The following LRRTM4 variants were observed in gnomAD, a reference collection of about 807,000 sequenced individuals.
LRRTM4 encodes the protein leucine-rich repeat transmembrane neuronal protein 4.
Under a neutral mutation model 47.6 loss-of-function variants are expected in LRRTM4, and 25 were observed. That is an observed-to-expected ratio of 0.53 (90% CI 0.38 to 0.73). The LOEUF is 0.73. Among genes scored for constraint, LRRTM4 ranks in the 30% least tolerant of loss-of-function variants. The pLI, the probability that LRRTM4 is intolerant of heterozygous loss-of-function variation, is 0.00. For synonymous variants in LRRTM4, 311 were observed against 269.5 expected, an observed-to-expected ratio of 1.15 and a Z score of -1.51; for missense variants, 638 against 713.4, an observed-to-expected ratio of 0.89 and a Z score of 1.20.
rs560573480 is a variant in LRRTM4 at position 76,807,079 on chromosome 2, C to T, written c.1552-58163G>A. Among the ~76,000 whole-genome samples the T allele has an allele frequency of 1.5e-3, 234 of 152,112 alleles. 1 individual carries two copies. In the Middle Eastern group the frequency reaches 0.017, roughly 11 times the overall value. On this transcript the variant is annotated intron_variant, in intron 3 of 3. Transcript: ENST00000409884. ...GATCAAATAAAATAGGCTGCTTCTA[C>T]ATTCATGGGTGTGTGTTAACTGCTA... is the stretch of plus-strand genomic sequence containing the variant.
chr2:77,159,541 A>G (rs985741132), intron 3 of LRRTM4, among the ~76,000 whole-genome samples: 8 of 151,828 alleles, frequency 5.3e-5, no homozygotes, highest in Admixed American at 6.6e-5. Flanking sequence ...AAAAAAGAAA[A>G]AAAAAGGAAA....
At position 77,430,435 on chromosome 2, in the gene LRRTM4, G is replaced by A. The variant is rs1047049471; in HGVS notation, c.1551+87883C>T. ...ATTAATTTTAGAATTATCTTGACTG[G>A]ATTGGGCCCTGTGCAGCGGCTCATG... is the stretch of plus-strand genomic sequence containing the variant. On this transcript the variant is annotated intron_variant, in intron 3 of 3. Coordinates refer to ENST00000409884, the MANE Select transcript of LRRTM4 (RefSeq NM_001134745.3). 2.6e-5 allele frequency among the ~76,000 whole-genome samples: 4 copies of A among 151,934 alleles called. 1 individual carries two copies. Among genetic ancestry groups the A allele is most frequent in the Admixed American group, 1.3e-4 (2 of 15,248 alleles).
intron 3 of LRRTM4, among the ~76,000 whole-genome samples, chr2:77,249,096 T>A (rs551654940): frequency 6.6e-6 from 1 of 152,192 alleles, no homozygotes; most frequent in Non-Finnish European, 1.5e-5. Context: ...ATGACTTTAA[T>A]CCTAGCACTT....
chr2:77,400,175 T>C (rs1456058979), intron 3 of LRRTM4, among the ~76,000 whole-genome samples: 1 of 151,900 alleles, frequency 6.6e-6, no homozygotes, highest in Admixed American at 6.6e-5. Flanking sequence ...ATTTTCTTCT[T>C]GAAATGCTTT....
chr2:76,820,360 A>C (rs1336090847), intron 3 of LRRTM4, among the ~76,000 whole-genome samples: 1 of 151,778 alleles, frequency 6.6e-6, no homozygotes, highest in Non-Finnish European at 1.5e-5. Context: ...TTAGAAGAAT[A>C]AGACTCAAGG....
At chr2:76,893,689 T>C (rs1360146766) in intron 3 of LRRTM4, among the ~76,000 whole-genome samples, 1 of 151,846 alleles carries the variant, frequency 6.6e-6, no homozygotes, top group Non-Finnish European at 1.5e-5. Context: ...GAATATTGCC[T>C]GGCAAGTTTG....
At position 77,132,537 on chromosome 2, in the gene LRRTM4, C is replaced by A. The variant is rs139355313; in HGVS notation, c.1552-383621G>T. Among the ~76,000 whole-genome samples the A allele has an allele frequency of 6.0e-3, 919 of 152,178 alleles. 11 individuals carry two copies. Among genetic ancestry groups the A allele is most frequent in the Middle Eastern group, 0.048 (14 of 294 alleles). On this transcript the variant is annotated intron_variant, in intron 3 of 3. Coordinates refer to ENST00000409884, the MANE Select transcript of LRRTM4 (RefSeq NM_001134745.3). ...ATCTAGAGGCTGGGAAAGCCAAGAT[C>A]AAAAAGCTAGCAGGTTCAGTGTTTG...
intron 3 of LRRTM4, among the ~76,000 whole-genome samples, chr2:77,147,114 A>G (rs377512896): frequency 2.0e-5 from 3 of 152,182 alleles, no homozygotes; most frequent in Non-Finnish European, 4.4e-5. Context: ...TTCTACTTGT[A>G]TATTTCTTTT....
At chr2:76,947,550 C>T (rs1020328551) in intron 3 of LRRTM4, among the ~76,000 whole-genome samples, 4 of 151,548 alleles carry the variant, frequency 2.6e-5, no homozygotes, top group Non-Finnish European at 5.9e-5. Flanking sequence ...TGTTAAACTC[C>T]ATCTTATCTA....
At chr2:76,860,268 T>C (rs1357115229) in intron 3 of LRRTM4, among the ~76,000 whole-genome samples, 2 of 152,304 alleles carry the variant, frequency 1.3e-5, no homozygotes, top group African/African-American at 4.8e-5. Context: ...GGCTAGCTCT[T>C]GGAAGATATT....
chr2:77,412,323 T>C (rs992589525), intron 3 of LRRTM4, among the ~76,000 whole-genome samples: 2 of 152,196 alleles, frequency 1.3e-5, no homozygotes, highest in Non-Finnish European at 2.9e-5. Flanking sequence ...TAGCAGATGG[T>C]GGGATAAAAG....
intron 3 of LRRTM4, among the ~76,000 whole-genome samples, chr2:77,077,810 A>C (rs1680387857): frequency 6.6e-6 from 1 of 152,262 alleles, no homozygotes; most frequent in African/African-American, 2.4e-5. Context: ...AAAAACAATA[A>C]GTTGACCCAT....
At chr2:77,370,460 G>GA (rs1672618179) in intron 3 of LRRTM4, among the ~76,000 whole-genome samples, 1 of 151,358 alleles carries the variant, frequency 6.6e-6, no homozygotes, top group African/African-American at 2.4e-5. Context: ...CTAATTTGAG[G>GA]AAAATAGAGC....
rs547213704 is a variant in LRRTM4 at position 76,825,724 on chromosome 2, A to G, written c.1552-76808T>C. ...TATACATTGTGTTTAAATTCATGAG[A>G]CCGAATGAGGTCACTTAGGGAGAGA... On this transcript the variant is annotated intron_variant, in intron 3 of 3. Coordinates refer to ENST00000409884, the MANE Select transcript of LRRTM4 (RefSeq NM_001134745.3). 3.3e-5 allele frequency among the ~76,000 whole-genome samples: 5 copies of G among 151,654 alleles called. No homozygotes were observed. The East Asian group carries it at 9.7e-4, about 30-fold the overall frequency.
At chr2:77,444,440 A>G (rs764668959) in intron 3 of LRRTM4, among the ~76,000 whole-genome samples, 68 of 152,054 alleles carry the variant, frequency 4.5e-4, no homozygotes, top group Non-Finnish European at 8.1e-4. Flanking sequence ...TGTTATTTTT[A>G]TGAAAGAATA....
intron 3 of LRRTM4, among the ~76,000 whole-genome samples, chr2:77,189,294 TGAAA>T (rs1049691605): frequency 6.6e-5 from 10 of 152,176 alleles, no homozygotes; most frequent in African/African-American, 2.4e-4. Context: ...CAAGGATGGT[TGAAA>T]GAAAGTGGAT....
At chr2:76,802,314 C>T (rs1403385970) in intron 3 of LRRTM4, among the ~76,000 whole-genome samples, 1 of 150,608 alleles carries the variant, frequency 6.6e-6, no homozygotes, top group Admixed American at 6.6e-5. Flanking sequence ...AAATCTCTAG[C>T]ATTTATATAT....
intron 3 of LRRTM4, among the ~76,000 whole-genome samples, chr2:76,936,585 TAAAAAAAA>T (rs869085850): frequency 1.0e-5 from 1 of 96,950 alleles, no homozygotes; most frequent in African/African-American, 3.2e-5. Context: ...TAAAGTATAA[TAAAAAAAA>T]AAAAAAAAGA....
At chr2:77,090,185 C>T (rs1442000806) in intron 3 of LRRTM4, among the ~76,000 whole-genome samples, 1 of 152,162 alleles carries the variant, frequency 6.6e-6, no homozygotes, top group African/African-American at 2.4e-5. Context: ...GACTAGCCCT[C>T]CCCGTCCTGC....
Sources: allele counts gnomAD v4.1 joint callset (sites outside exome capture counted in the v4.1 genomes callset), GRCh38; gene constraint gnomAD v4.1.1; transcripts MANE v1.5; gene names NCBI Gene and HGNC (gene_info 2026-07-23, HGNC 2026-07-21).